The following ERRFI1 variants were observed in gnomAD, a reference collection of about 807,000 sequenced individuals.
ERRFI1 encodes the protein mitogen-inducible gene 6 protein.
In ERRFI1, 12 loss-of-function variants were observed where a neutral mutation model predicts 14.6. The observed-to-expected ratio is 0.82, with a 90% CI of 0.53 to 1.33. The LOEUF is 1.33. Among genes scored for constraint, ERRFI1 ranks in the 40% most tolerant of loss-of-function variants. The pLI, the probability that ERRFI1 is intolerant of heterozygous loss-of-function variation, is 0.00. For synonymous variants in ERRFI1, 202 were observed against 209.9 expected, an observed-to-expected ratio of 0.96 and a Z score of 0.32; for missense variants, 482 against 572.1, an observed-to-expected ratio of 0.84 and a Z score of 1.61.
Position 8,012,931 on chromosome 1 carries a change from G to T in ERRFI1, c.*279C>A. The T allele has an allele frequency of 2.4e-6, 1 of 424,506 alleles. No homozygotes were observed. The highest frequency in any genetic ancestry group is 4.2e-6 in the Non-Finnish European group (1 of 238,830). The allele number at this position is 424,506 out of a possible 1,614,324, so 26.3% of individuals were successfully genotyped here. ...GGTTATACCACAAGTTTATATATAG[G>T]TATGTAATGTATGCATATATAAAAA... is the stretch of plus-strand genomic sequence containing the variant. On this transcript the variant is annotated 3_prime_UTR_variant, in exon 4 of 4. Transcript: ENST00000377482.
chr1:8,022,289 TATACCCA>T (rs1641284034), intron 1 of ERRFI1, among the ~76,000 whole-genome samples: 1 of 152,220 alleles, frequency 6.6e-6, no homozygotes, highest in South Asian at 2.1e-4. Context: ...GGTTACTACA[TATACCCA>T]ACGGGCCTCC....
At chr1:8,021,097 T>C (rs899209623) in intron 1 of ERRFI1, among the ~76,000 whole-genome samples, 4 of 152,236 alleles carry the variant, frequency 2.6e-5, no homozygotes, top group Admixed American at 6.5e-5. Flanking sequence ...TGAACATTTG[T>C]GTCTGTGTTT....
intron 1 of ERRFI1, among the ~76,000 whole-genome samples, chr1:8,018,710 C>T (rs961843133): frequency 6.6e-6 from 1 of 152,150 alleles, no homozygotes; most frequent in Admixed American, 6.6e-5. Flanking sequence ...CAGTTAAATA[C>T]CAAATTTCAG....
chr1:8,014,451 TGAGG>T (rs1641143030), intron 3 of ERRFI1, 55 bp from the exon 4 acceptor site: 1 of 1,464,608 alleles, frequency 6.8e-7, no homozygotes, highest in African/African-American at 1.4e-5. Flanking sequence ...TCCACCTGTG[TGAGG>T]GAGAGAGCAC....
intron 1 of ERRFI1, among the ~76,000 whole-genome samples, chr1:8,017,317 C>CTG (rs765419361): frequency 5.9e-5 from 9 of 152,208 alleles, no homozygotes; most frequent in Admixed American, 5.2e-4. Flanking sequence ...CCACAGTCAG[C>CTG]TGTTCTACCA....
chr1:8,013,059 C>G lies in ERRFI1; in HGVS notation c.*151G>C. On this transcript the variant is annotated 3_prime_UTR_variant, in exon 4 of 4. Transcript: ENST00000377482. This position sits in a 1 kb window ranked among gnomAD's most constrained non-coding sequence, Gnocchi z 4.3. ...TCAGGGTTTCTCAGCATAACAGCAT[C>G]TCACAACTGCTCTAAACCTTCCACA... 1.5e-6 allele frequency: 1 copy of G among 689,158 alleles called. No homozygotes were observed. Among genetic ancestry groups the G allele is most frequent in the Non-Finnish European group, 2.4e-6 (1 of 418,114 alleles). 42.7% of individuals were successfully genotyped at this position (689,158 alleles called of 1,614,324 possible).
rs768654470 is a variant in ERRFI1, at chr1:8,013,985, C to T, written c.614G>A (p.Gly205Glu). Residue 205 changes from glycine (G) to glutamate (E), a missense_variant, in exon 4 of 4, where the codon GGA becomes GAA. Gly to Glu is a moderately conservative substitution (Grantham distance 98). Coordinates refer to ENST00000377482, the MANE Select transcript of ERRFI1 (RefSeq NM_018948.4). The surrounding 1 kb of genome is among the most constrained non-coding windows in gnomAD (Gnocchi z 4.3). ...VPGRRSFRGC[G>E]QINYAYFDTP... ...ATCAAAATATGCATAGTTGATTTGT[C>T]CACACCCACGGAAGCTTCGCCTGCC... 2.5e-6 allele frequency: 4 copies of T among 1,614,134 alleles called. No homozygotes were observed. The highest frequency in any genetic ancestry group is 1.1e-5 in the South Asian group (1 of 91,068).
In ERRFI1 at chr1:8,013,775, T is replaced by C; in HGVS notation, c.824A>G (p.Asn275Ser). The C allele has an allele frequency of 6.2e-7, 1 of 1,614,112 alleles. No individual in the cohort carries two copies. The highest frequency in any genetic ancestry group is 2.2e-5 in the East Asian group (1 of 44,882). The change falls in exon 4 of 4, where the codon AAC (asparagine) becomes AGC (serine). Residue 275 changes from asparagine to serine, a missense_variant. Physicochemically the swap from Asn to Ser is conservative, Grantham distance 46 (BLOSUM62 1). Coordinates refer to ENST00000377482, the MANE Select transcript of ERRFI1 (RefSeq NM_018948.4). The surrounding 1 kb of genome is among the most constrained non-coding windows in gnomAD (Gnocchi z 4.3). ...SNCCIHRASP[N>S]SDEDKPEVPP... ...AACCTCAGGTTTGTCTTCATCGGAGTTAGGAGAAGCTCTGTGTATACAACA... is the reference window on the plus strand; with the variant it reads ...AACCTCAGGTTTGTCTTCATCGGAGCTAGGAGAAGCTCTGTGTATACAACA...
At chr1:8,015,798 A>G in intron 1 of ERRFI1, 106 bp from the exon 2 acceptor site, 1 of 694,606 alleles carries the variant, frequency 1.4e-6, no homozygotes, top group South Asian at 2.3e-5. Context: ...GGGATGCTGA[A>G]TAGAAAAAAT....
chr1:8,023,050 A>G (rs540421342), intron 1 of ERRFI1, among the ~76,000 whole-genome samples: 1 of 152,340 alleles, frequency 6.6e-6, no homozygotes, highest in South Asian at 2.1e-4. Context: ...CTCTCTGAGT[A>G]GGTGACTTTT....
chr1:8,013,388 A>G lies in ERRFI1; in HGVS notation c.1211T>C (p.Leu404Pro). Reference protein sequence around the residue: ...YYLLPERPPYLDKYEKFFREA... With the variant: ...YYLLPERPPYPDKYEKFFREA... ...CCTAAAAAATTTTTCATATTTGTCC[A>G]GGTATGGTGGTCGTTCAGGTAGTAG... Residue 404 changes from leucine (L) to proline (P), a missense_variant, in exon 4 of 4, where the codon CTG becomes CCG. Transcript: ENST00000377482. This position sits in a 1 kb window ranked among gnomAD's most constrained non-coding sequence, Gnocchi z 4.3. 6.2e-7 allele frequency: 1 copy of G among 1,614,176 alleles called. No individual in the cohort carries two copies. The highest frequency in any genetic ancestry group is 8.5e-7 in the Non-Finnish European group (1 of 1,180,042).
At position 8,012,058 on chromosome 1, in the gene ERRFI1, A is replaced by G. The variant is rs941860945; in HGVS notation, c.*1152T>C. On this transcript the variant is annotated 3_prime_UTR_variant, in exon 4 of 4. Transcript: ENST00000377482. ...GGATGTGAAAATCGGAACACCAACT[A>G]TGTGTCTCACTGCATCTAAGTGAAG... is the stretch of plus-strand genomic sequence containing the variant. The G allele has an allele frequency of 4.3e-6, 1 of 230,102 alleles. No individual in the cohort carries two copies. Among genetic ancestry groups the G allele is most frequent in the Non-Finnish European group, 8.6e-6 (1 of 115,806 alleles). The allele number at this position is 230,102 out of a possible 1,614,324, so 14.3% of individuals were successfully genotyped here.
chr1:8,024,443 A>G (rs1275633963), intron 1 of ERRFI1, among the ~76,000 whole-genome samples: 1 of 152,234 alleles, frequency 6.6e-6, no homozygotes, highest in East Asian at 1.9e-4. Flanking sequence ...AATCCTGCTG[A>G]GCCTTAAAAG....
Position 8,012,320 on chromosome 1 carries a change from C to T in ERRFI1, c.*890G>A, listed in dbSNP as rs1051910286. The T allele has an allele frequency of 6.1e-5, 14 of 230,110 alleles. No homozygotes were observed. Among genetic ancestry groups the T allele is most frequent in the African/African-American group, 2.7e-4 (12 of 45,238 alleles). The allele number at this position is 230,110 out of a possible 1,614,324, so 14.3% of individuals were successfully genotyped here. A position where few individuals can be genotyped will look rare whatever the true frequency, so the allele number is the denominator to read the frequency against. ...CAAACAATAACTCTCAATCACATAGCTAATTGCTTCATTATTTTGTAAAAC... is the reference window on the plus strand; with the variant it reads ...CAAACAATAACTCTCAATCACATAGTTAATTGCTTCATTATTTTGTAAAAC... On this transcript the variant is annotated 3_prime_UTR_variant, in exon 4 of 4. Transcript: ENST00000377482.
intron 1 of ERRFI1, among the ~76,000 whole-genome samples, chr1:8,018,689 G>T (rs1408269535): frequency 6.6e-6 from 1 of 152,044 alleles, no homozygotes; most frequent in Middle Eastern, 3.2e-3. Context: ...TTTTTTAGTG[G>T]GTCTAAAATG....
chr1:8,024,917 G>C (rs189359706), intron 1 of ERRFI1, among the ~76,000 whole-genome samples: 4 of 151,068 alleles, frequency 2.6e-5, no homozygotes, highest in African/African-American at 9.9e-5. Flanking sequence ...AGAAATATAA[G>C]AAAAGAAATG....
chr1:8,019,520 T>G (rs994000215), intron 1 of ERRFI1, among the ~76,000 whole-genome samples: 81 of 152,232 alleles, frequency 5.3e-4, no homozygotes, highest in African/African-American at 1.9e-3. Context: ...GTCTGATTTA[T>G]GCTTTCCCCC....
Position 8,012,240 on chromosome 1 carries a change from T to A in ERRFI1, c.*970A>T, listed in dbSNP as rs936551328. ...CCAGCAACACAAGGCCAGCTTGTGT[T>A]GTATGTTTATTAATACAGTCTAAAA... On this transcript the variant is annotated 3_prime_UTR_variant, in exon 4 of 4. Transcript: ENST00000377482. 2 of 231,652 alleles carry A rather than the reference T, an allele frequency of 8.6e-6. No individual in the cohort carries two copies. The highest frequency in any genetic ancestry group is 1.7e-5 in the Non-Finnish European group (2 of 116,894). 14.3% of individuals were successfully genotyped at this position (231,652 alleles called of 1,614,324 possible).
chr1:8,023,064 T>C (rs1641295198), intron 1 of ERRFI1, among the ~76,000 whole-genome samples: 1 of 152,108 alleles, frequency 6.6e-6, no homozygotes, highest in African/African-American at 2.4e-5. Context: ...GACTTTTAAA[T>C]GGAAATCTAA....
Sources: gnomAD v4.1 joint callset for allele counts (sites outside exome capture counted in the v4.1 genomes callset) on GRCh38, gnomAD v4.1.1 for gene constraint, Gnocchi (gnomAD v3.1) non-coding constraint, MANE v1.5 for transcripts, NCBI Gene and HGNC (gene_info 2026-07-23, HGNC 2026-07-21) for gene names.